LRRC4C: variants seen among roughly 807,000 people sequenced by gnomAD.
The protein encoded by LRRC4C is leucine-rich repeat-containing protein 4C.
A neutral mutation model predicts 33.6 loss-of-function variants in LRRC4C; 5 were observed. The observed-to-expected ratio is 0.15, with a 90% CI of 0.08 to 0.31. The LOEUF (loss-of-function observed/expected upper bound fraction) is 0.31. LRRC4C is among the 10% of genes least tolerant of loss of function. The pLI is 1.00. For missense variants in LRRC4C, 560 were observed against 796.7 expected (o/e 0.70, Z 3.58); for synonymous variants, 329 against 302.0 (o/e 1.09, Z -0.93).
At chr11:40,517,040 C>T (rs1955587991) in intron 3 of LRRC4C, among the ~76,000 whole-genome samples, 1 of 152,088 alleles carries the variant, frequency 6.6e-6, no homozygotes, top group Admixed American at 6.6e-5. Context: ...TGGTCAGTTC[C>T]TATTCATACT....
chr11:41,022,388 G>C, intron 1 of LRRC4C, among the ~76,000 whole-genome samples: 1 of 151,864 alleles, frequency 6.6e-6, no homozygotes, highest in Non-Finnish European at 1.5e-5. Flanking sequence ...TGCTCTGGCA[G>C]TACCTGGGTT....
intron 3 of LRRC4C, among the ~76,000 whole-genome samples, chr11:40,518,212 T>TGACAAAAACACCAAAAGCAATGGC (rs1231286174): frequency 1.8e-4 from 27 of 152,288 alleles, no homozygotes; most frequent in African/African-American, 5.8e-4. Flanking sequence ...AACAACTTCA[T>TGACAAAAACACCAAAAGCAATGGC]GACAAAAACA....
intron 1 of LRRC4C, among the ~76,000 whole-genome samples, chr11:41,002,001 G>GT (rs916108208): frequency 1.3e-5 from 2 of 152,046 alleles, no homozygotes; most frequent in Admixed American, 6.6e-5. Context: ...TATTTAGGGA[G>GT]TTTTTTTCCT....
At chr11:41,258,189 AG>A (rs1446183487) in intron 1 of LRRC4C, among the ~76,000 whole-genome samples, 17 of 151,970 alleles carry the variant, frequency 1.1e-4, no homozygotes, top group Non-Finnish European at 1.0e-4. Flanking sequence ...CTGATCGCCT[AG>A]GGAATAAATT....
chr11:41,324,333 G>A (rs1416406804), intron 1 of LRRC4C, among the ~76,000 whole-genome samples: 1 of 152,152 alleles, frequency 6.6e-6, no homozygotes, highest in Non-Finnish European at 1.5e-5. Context: ...AGGAGGAAGA[G>A]GCAAGAGAAT....
chr11:40,733,068 T>G (rs1046021478), intron 2 of LRRC4C, among the ~76,000 whole-genome samples: 2 of 106,228 alleles, frequency 1.9e-5, no homozygotes, highest in African/African-American at 4.1e-5. Flanking sequence ...ATAGTTTTTT[T>G]TTTTTTTTTT....
chr11:41,423,134 T>G (rs899679144), intron 1 of LRRC4C, among the ~76,000 whole-genome samples: 1 of 152,112 alleles, frequency 6.6e-6, no homozygotes, highest in African/African-American at 2.4e-5. Context: ...ATGACTAACA[T>G]GAATTTTTAA....
intron 1 of LRRC4C, among the ~76,000 whole-genome samples, chr11:41,338,049 G>A (rs191289552): frequency 1.1e-3 from 170 of 152,322 alleles, no homozygotes; most frequent in African/African-American, 3.8e-3. Context: ...ATGCTGTTGA[G>A]GCTGTGGAGA....
At chr11:40,442,576 A>G (rs1951445905) in intron 3 of LRRC4C, among the ~76,000 whole-genome samples, 1 of 152,208 alleles carries the variant, frequency 6.6e-6, no homozygotes, top group Admixed American at 6.5e-5. Flanking sequence ...TGCTGGGGAA[A>G]GTTACAGTGA....
intron 3 of LRRC4C, among the ~76,000 whole-genome samples, chr11:40,395,029 C>G (rs184934326): frequency 1.8e-3 from 276 of 152,144 alleles, no homozygotes; most frequent in Middle Eastern, 6.8e-3. Context: ...AGACTGTGAT[C>G]AAGTCTATAA....
chr11:41,074,428 A>G (rs1938952516), intron 1 of LRRC4C, among the ~76,000 whole-genome samples: 3 of 152,192 alleles, frequency 2.0e-5, no homozygotes, highest in Admixed American at 2.0e-4. Flanking sequence ...ATGAAAATAA[A>G]GGCTCCCAAT....
Position 41,409,922 on chromosome 11 carries a change from G to GTT in LRRC4C, c.-496+49507_-496+49508dup, listed in dbSNP as rs544378416. Among the ~76,000 whole-genome samples the GTT allele has an allele frequency of 2.2e-4, 34 of 152,254 alleles. No homozygotes were observed. The East Asian group carries it at 5.6e-3, about 25-fold the overall frequency. On this transcript the variant is annotated intron_variant, in intron 1 of 6. Transcript: ENST00000528697. The stretch of plus-strand genomic sequence containing the variant: ...GTGTTTTTTAGCCATTAATATTAAT[G>GTT]TTTTTTTATTTCCATCATCCTAATG...
intron 2 of LRRC4C, among the ~76,000 whole-genome samples, chr11:40,743,534 A>G (rs1948266091): frequency 6.6e-6 from 1 of 152,090 alleles, no homozygotes; most frequent in African/African-American, 2.4e-5. Context: ...ATAGGGTTGT[A>G]AGATACAGGC....
chr11:40,971,654 A>G (rs7945200), intron 1 of LRRC4C, among the ~76,000 whole-genome samples: 39,854 of 152,022 alleles, frequency 0.26, 5,336 homozygotes, highest in Middle Eastern at 0.33. Context: ...GAATACGGCC[A>G]TCACCCTCTA....
At chr11:40,645,610 C>G (rs1481434348) in intron 3 of LRRC4C, among the ~76,000 whole-genome samples, 9 of 152,056 alleles carry the variant, frequency 5.9e-5, no homozygotes. Context: ...AGAAAAAAAC[C>G]TAATCGCACT....
At chr11:41,170,707 C>T (rs1337450160) in intron 1 of LRRC4C, among the ~76,000 whole-genome samples, 10 of 152,028 alleles carry the variant, frequency 6.6e-5, no homozygotes, top group South Asian at 4.1e-4. Flanking sequence ...AAGGACTTCA[C>T]ATCTAAAACA....
At chr11:40,212,786 G>A (rs1261771932) in intron 5 of LRRC4C, among the ~76,000 whole-genome samples, 5 of 152,086 alleles carry the variant, frequency 3.3e-5, no homozygotes, top group Admixed American at 6.6e-5. Context: ...CAATACCGAC[G>A]TCAAGATTGG....
At chr11:40,907,566 G>A (rs938529121) in intron 2 of LRRC4C, among the ~76,000 whole-genome samples, 3 of 152,158 alleles carry the variant, frequency 2.0e-5, no homozygotes. Flanking sequence ...ACTGCATTGT[G>A]ATTATAGAAA....
chr11:40,856,467 A>T (rs1953788073), intron 2 of LRRC4C, among the ~76,000 whole-genome samples: 1 of 152,242 alleles, frequency 6.6e-6, no homozygotes. Flanking sequence ...AACATTCATT[A>T]GCGCATTTTA....
Sources: allele counts gnomAD v4.1 joint callset (sites outside exome capture counted in the v4.1 genomes callset), GRCh38; gene constraint gnomAD v4.1.1; transcripts MANE v1.5; gene names NCBI Gene and HGNC (gene_info 2026-07-23, HGNC 2026-07-21).